Variants in CELF6 observed in about 807,000 individuals in gnomAD.
CELF6 encodes Bruno -like 6, RNA binding protein.
In CELF6, 32 loss-of-function variants were observed where a neutral mutation model predicts 53.1. The ratio of observed to expected loss-of-function variants is 0.60; its 90% CI spans 0.46 to 0.81. The LOEUF (loss-of-function observed/expected upper bound fraction) is 0.81, where lower values mean the gene tolerates loss of function less well. Among genes scored for constraint, CELF6 ranks in the 30% least tolerant of loss-of-function variants. The probability of loss-of-function intolerance (pLI) is 0.00; values close to 1 mark genes in which losing one functional copy is unlikely to be tolerated. For missense variants in CELF6, 539 were observed against 669.5 expected, an observed-to-expected ratio of 0.81 and a Z score of 2.15; for synonymous variants, 291 against 288.8, an observed-to-expected ratio of 1.01 and a Z score of -0.08.
Position 72,289,628 on chromosome 15 carries a change from G to T in CELF6, c.746C>A (p.Ala249Glu). 6.7e-7 allele frequency: 1 copy of T among 1,502,654 alleles called. No individual in the cohort carries two copies. The highest frequency in any genetic ancestry group is 1.2e-5 in the South Asian group (1 of 80,388). The allele number at this position is 1,502,654 out of a possible 1,614,324, so 93.1% of individuals were successfully genotyped here. Residue 249 changes from alanine (A) to glutamate (E), a missense_variant and splice_region_variant, in exon 6 of 13, where the codon GCG becomes GAG. By Grantham distance (107) the Ala-to-Glu change is moderately radical. Transcript: ENST00000287202. This position sits in a 1 kb window ranked among gnomAD's most constrained non-coding sequence, Gnocchi z 7.6. ...CGCACGCAGGTGCCCGGTACCTACC[G>T]CCGTGGTGTAGGCGCCGCAGGCCCC... ...PLGACGAYTT[A>E]ILQHQAALLA...
In CELF6 at chr15:72,319,325, G is replaced by A. The variant is rs902078310; in HGVS notation, c.262+288C>T. 6.6e-6 allele frequency among the ~76,000 whole-genome samples: 1 copy of A among 152,180 alleles called. No individual in the cohort carries two copies. The highest frequency in any genetic ancestry group is 2.4e-5 in the African/African-American group (1 of 41,442). On this transcript the variant is annotated intron_variant, in intron 1 of 12. Transcript: ENST00000287202. The surrounding 1 kb of genome is among the most constrained non-coding windows in gnomAD (Gnocchi z 5.0). Reference sequence around the variant, plus strand: ...CCAGAATTTTAGGTCTGATGGGAGAGGTGGTGGAAAGGTCCAATTGAAAGG... The same window carrying A: ...CCAGAATTTTAGGTCTGATGGGAGAAGTGGTGGAAAGGTCCAATTGAAAGG...
chr15:72,285,185 G>C lies in CELF6; in HGVS notation c.*1186C>G, dbSNP rs1274929899. 1.3e-5 allele frequency: 2 copies of C among 152,668 alleles called. No individual in the cohort carries two copies. The highest frequency in any genetic ancestry group is 4.8e-5 in the African/African-American group (2 of 41,456). The allele number at this position is 152,668 out of a possible 1,614,324, so 9.5% of individuals were successfully genotyped here. On this transcript the variant is annotated 3_prime_UTR_variant, in exon 13 of 13. Transcript: ENST00000287202. ...AGCACATGTGAGACACTCTTGCATA[G>C]GAAAGATGTAGTTTTTAAAGGAATG...
intron 2 of CELF6, among the ~76,000 whole-genome samples, chr15:72,305,108 T>C (rs965170420): frequency 4.6e-5 from 7 of 152,196 alleles, no homozygotes; most frequent in Non-Finnish European, 7.3e-5. Context: ...CTTTGGCTTC[T>C]GGACTTACTT....
Position 72,289,782 on chromosome 15 carries a change from AG to A in CELF6, c.604-13del, listed in dbSNP as rs1214082582. On this transcript the variant is annotated splice_polypyrimidine_tract_variant and intron_variant, in intron 5 of 12. Coordinates refer to ENST00000287202, the MANE Select transcript of CELF6 (RefSeq NM_052840.5). This position sits in a 1 kb window ranked among gnomAD's most constrained non-coding sequence, Gnocchi z 7.6. ...CTGGACGAGGCGCCCTGGGCAGGGC[AG>A]GGGAGGCCGTGGTGACCGGTCCTGA... The A allele has an allele frequency of 2.1e-6, 3 of 1,451,704 alleles. No homozygotes were observed. Among genetic ancestry groups the A allele is most frequent in the Non-Finnish European group, 2.7e-6 (3 of 1,107,644 alleles). The allele number at this position is 1,451,704 out of a possible 1,614,324, so 89.9% of individuals were successfully genotyped here. A position where few individuals can be genotyped will look rare whatever the true frequency, so the allele number is the denominator to read the frequency against.
Position 72,319,843 on chromosome 15 carries a change from G to C in CELF6, c.32C>G (p.Pro11Arg). 1 of 1,543,408 alleles carries C rather than the reference G, an allele frequency of 6.5e-7. No individual in the cohort carries two copies. The highest frequency in any genetic ancestry group is 1.2e-5 in the South Asian group (1 of 83,574). ...ACCCAGGCGCGGGCCGGGGCCAGCG[G>C]GCTGCGCTGACCCTCCCGGCGCCGC... MAAAPGGSAQ[P>R]AGPGPRLGFS... The change falls in exon 1 of 13, where the codon CCC becomes CGC. Residue 11 changes from proline to arginine, a missense_variant. By Grantham distance (103) the Pro-to-Arg change is moderately radical. This residue lies in a region of CELF6 where 84 missense variants were observed against 87.9 expected (regional missense o/e 0.96). Coordinates refer to ENST00000287202, the MANE Select transcript of CELF6 (RefSeq NM_052840.5). The surrounding 1 kb of genome is among the most constrained non-coding windows in gnomAD (Gnocchi z 5.0).
chr15:72,315,796 A>C, intron 2 of CELF6, 49 bp downstream of exon 2: 1 of 1,321,592 alleles, frequency 7.6e-7, no homozygotes, highest in Non-Finnish European at 1.1e-6. Context: ...CACACAGGGC[A>C]CTGTCCCCAG....
rs775906425 is a variant in CELF6 at position 72,289,151 on chromosome 15, G to A, written c.1017C>T (p.Leu339=). ...PGSDTLYNNG[L]SPYPAQSPGV... ...CGGGGGGCCCACCTGGATAAGGGGAGAGCCCGTTATTGTAGAGCGTGTCGG... is the reference window on the plus strand; with the variant it reads ...CGGGGGGCCCACCTGGATAAGGGGAAAGCCCGTTATTGTAGAGCGTGTCGG... Residue 339 remains leucine, a synonymous_variant, in exon 8 of 13, where the codon CTC becomes CTT. Transcript: ENST00000287202. The surrounding 1 kb of genome is among the most constrained non-coding windows in gnomAD (Gnocchi z 7.6). 3 of 1,541,384 alleles carry A rather than the reference G, an allele frequency of 1.9e-6. No homozygotes were observed. Among genetic ancestry groups the A allele is most frequent in the South Asian group, 2.5e-5 (2 of 79,616 alleles).
chr15:72,287,328 T>C lies in CELF6; in HGVS notation c.1383A>G (p.Gln461=). Residue 461 remains glutamine, a synonymous_variant, in exon 12 of 13, where the codon CAA becomes CAG. Transcript: ENST00000287202. ...GGACCTTGAGCCTCTTCATGCCAAT[T>C]TGAAAGCCATTCATCGCCTGAATAG... ...QTAIQAMNGF[Q]IGMKRLKVQL... 1 of 1,614,220 alleles carries C rather than the reference T, an allele frequency of 6.2e-7. No individual in the cohort carries two copies. The highest frequency in any genetic ancestry group is 8.5e-7 in the Non-Finnish European group (1 of 1,180,024).
At chr15:72,297,077 G>A (rs2088089923) in intron 3 of CELF6, among the ~76,000 whole-genome samples, 1 of 152,132 alleles carries the variant, frequency 6.6e-6, no homozygotes. Flanking sequence ...TAGACATTGT[G>A]AAATGATTAA....
chr15:72,307,052 G>C (rs1311471197), intron 2 of CELF6, among the ~76,000 whole-genome samples: 1 of 151,624 alleles, frequency 6.6e-6, no homozygotes, highest in Non-Finnish European at 1.5e-5. Flanking sequence ...GGCCAAAAGA[G>C]TAGAAGCCTG....
intron 2 of CELF6, among the ~76,000 whole-genome samples, chr15:72,305,870 G>A (rs79286715): frequency 9.8e-6 from 1 of 101,574 alleles, no homozygotes; most frequent in Admixed American, 9.4e-5. Flanking sequence ...TTTTTTTTTT[G>A]CCCCAACCTG....
intron 3 of CELF6, among the ~76,000 whole-genome samples, chr15:72,301,724 T>A (rs536019903): frequency 2.0e-4 from 29 of 142,626 alleles, no homozygotes; most frequent in African/African-American, 7.2e-4. Flanking sequence ...AATACCATTT[T>A]AAAAAGTTGA....
chr15:72,306,754 C>A (rs544573335), intron 2 of CELF6, among the ~76,000 whole-genome samples: 1 of 151,466 alleles, frequency 6.6e-6, no homozygotes, highest in Non-Finnish European at 1.5e-5. Context: ...CAGATCAGGG[C>A]GAGCTTGACA....
At chr15:72,306,090 C>T in intron 2 of CELF6, 2 of 984,974 alleles carry the variant, frequency 2.0e-6, no homozygotes, top group Non-Finnish European at 2.4e-6. Flanking sequence ...GCCCCCACAT[C>T]CCCATCCCCC....
At chr15:72,292,040 T>C (rs191893384) in intron 3 of CELF6, among the ~76,000 whole-genome samples, 1 of 152,280 alleles carries the variant, frequency 6.6e-6, no homozygotes, top group Admixed American at 6.5e-5. Context: ...GTGGAATACA[T>C]TGTTCTAACA....
chr15:72,316,205 C>T (rs2140308291), intron 1 of CELF6, among the ~76,000 whole-genome samples: 1 of 152,260 alleles, frequency 6.6e-6, no homozygotes, highest in African/African-American at 2.4e-5. Context: ...CCCACATCTC[C>T]CCTCCCCACT....
rs775868240 is a variant in CELF6, at chr15:72,288,462, A to AGT, written c.1175-13_1175-12dup. On this transcript the variant is annotated splice_polypyrimidine_tract_variant and intron_variant, in intron 10 of 12. Coordinates refer to ENST00000287202, the MANE Select transcript of CELF6 (RefSeq NM_052840.5). This position sits in a 1 kb window ranked among gnomAD's most constrained non-coding sequence, Gnocchi z 4.6. ...TACAGCCTTCGGGGCCTGGAGGAAC[A>AGT]GTAGCAAGCTGGTTCAGGGGAAGGA... 6.2e-7 allele frequency: 1 copy of AGT among 1,614,208 alleles called. No individual in the cohort carries two copies. The highest frequency in any genetic ancestry group is 2.2e-5 in the East Asian group (1 of 44,890).
At chr15:72,303,658 C>T (rs1216092229) in intron 3 of CELF6, among the ~76,000 whole-genome samples, 1 of 152,110 alleles carries the variant, frequency 6.6e-6, no homozygotes, top group Non-Finnish European at 1.5e-5. Context: ...GGAAGAGAGT[C>T]TTACCCAAGA....
At chr15:72,299,323 A>G in intron 3 of CELF6, among the ~76,000 whole-genome samples, 1 of 151,856 alleles carries the variant, frequency 6.6e-6, no homozygotes, top group Admixed American at 6.6e-5. Flanking sequence ...TCATGTTCAA[A>G]TGCACACAAA....
Sources: gnomAD v4.1 joint callset for allele counts (sites outside exome capture counted in the v4.1 genomes callset) on GRCh38, gnomAD v4.1.1 for gene constraint, gnomAD v4.1.1 regional missense constraint, Gnocchi (gnomAD v3.1) non-coding constraint, MANE v1.5 for transcripts, NCBI Gene and HGNC (gene_info 2026-07-23, HGNC 2026-07-21) for gene names.